The following TMPRSS15 variants were observed in gnomAD, a reference collection of about 807,000 sequenced individuals.
TMPRSS15 encodes the protein transmembrane serine protease 15.
In TMPRSS15, 128 loss-of-function variants were observed where a neutral mutation model predicts 125.3. That is an observed-to-expected ratio of 1.02 (90% confidence interval 0.89 to 1.18). TMPRSS15 has a LOEUF of 1.18. TMPRSS15 is among the 50% of genes most tolerant of loss of function. The probability of loss-of-function intolerance (pLI) is 0.00; values close to 1 mark genes in which losing one functional copy is unlikely to be tolerated. For missense variants in TMPRSS15, 1,283 were observed against 1,212.7 expected (o/e 1.06, Z -0.86); for synonymous variants, 446 against 423.2 (o/e 1.05, Z -0.66).
chr21:18,295,070 A>G (rs1252773135), intron 19 of TMPRSS15, among the ~76,000 whole-genome samples: 2 of 152,232 alleles, frequency 1.3e-5, no homozygotes, highest in Admixed American at 1.3e-4. Context: ...TCTATAACAC[A>G]GAGTATGCCT....
intron 22 of TMPRSS15, among the ~76,000 whole-genome samples, chr21:18,280,413 A>G (rs2074678062): frequency 6.6e-6 from 1 of 151,916 alleles, no homozygotes; most frequent in African/African-American, 2.4e-5. Flanking sequence ...CATCTCTACT[A>G]AAAATACAAG....
At chr21:18,458,058 C>T (rs1300347601) in intron 1 of TMPRSS15, among the ~76,000 whole-genome samples, 1 of 152,086 alleles carries the variant, frequency 6.6e-6, no homozygotes, top group Non-Finnish European at 1.5e-5. Flanking sequence ...GTGCTTGGTG[C>T]TACCATTTCC....
chr21:18,342,577 C>A (rs917532736), intron 12 of TMPRSS15, among the ~76,000 whole-genome samples: 2 of 152,224 alleles, frequency 1.3e-5, no homozygotes, highest in Admixed American at 1.3e-4. Flanking sequence ...ATAGCCACAT[C>A]TGGCCACTGC....
Position 18,398,456 on chromosome 21 carries a change from TC to T in TMPRSS15, c.146-128del, listed in dbSNP as rs2076062368. The T allele has an allele frequency of 3.3e-6, 3 of 917,704 alleles. No homozygotes were observed. In the East Asian group the frequency reaches 7.8e-5, roughly 24 times the overall value. 56.8% of individuals were successfully genotyped at this position (917,704 alleles called of 1,614,324 possible). On this transcript the variant is annotated intron_variant, in intron 1 of 24. Coordinates refer to ENST00000284885, the MANE Select transcript of TMPRSS15 (RefSeq NM_002772.3). ...TGTTAGCTCTGTAGTTCTTGCTTTT[TC>T]TTTGTAGTCTCATGTTTCAAAATCA...
At chr21:18,476,534 T>G (rs544832204) in intron 1 of TMPRSS15, among the ~76,000 whole-genome samples, 1 of 152,276 alleles carries the variant, frequency 6.6e-6, no homozygotes, top group East Asian at 1.9e-4. Flanking sequence ...TGAAACAAAC[T>G]ATTTTATGCT....
intron 24 of TMPRSS15, among the ~76,000 whole-genome samples, chr21:18,273,973 CAT>C (rs2074590638): frequency 6.6e-6 from 1 of 152,118 alleles, no homozygotes; most frequent in African/African-American, 2.4e-5. Context: ...GATAGTATGA[CAT>C]ATATGTGTTA....
chr21:18,275,475 A>C (rs745779963), intron 23 of TMPRSS15, 139 bp from the exon 24 acceptor site: 68 of 1,050,166 alleles, frequency 6.5e-5, no homozygotes, highest in Non-Finnish European at 9.3e-5. Flanking sequence ...ACTAAATACT[A>C]AACCTTGCAC....
chr21:18,280,222 C>T (rs2074675031), intron 22 of TMPRSS15, among the ~76,000 whole-genome samples: 1 of 152,134 alleles, frequency 6.6e-6, no homozygotes, highest in South Asian at 2.1e-4. Flanking sequence ...ATTTTCCAGG[C>T]ATTTGGAGGA....
At chr21:18,435,513 T>G (rs897850125) in intron 1 of TMPRSS15, among the ~76,000 whole-genome samples, 1 of 152,218 alleles carries the variant, frequency 6.6e-6, no homozygotes, top group Admixed American at 6.5e-5. Context: ...CTTTTTGATG[T>G]GCTGCTAGAT....
intron 1 of TMPRSS15, among the ~76,000 whole-genome samples, chr21:18,419,533 C>T (rs1420971043): frequency 6.6e-6 from 1 of 152,060 alleles, no homozygotes; most frequent in Non-Finnish European, 1.5e-5. Flanking sequence ...CCGACATTTC[C>T]TCTTTTTCTA....
chr21:18,311,915 T>C (rs1056038104), intron 18 of TMPRSS15, among the ~76,000 whole-genome samples: 1 of 152,318 alleles, frequency 6.6e-6, no homozygotes, highest in African/African-American at 2.4e-5. Context: ...TATTTACATA[T>C]ACATAGAGTG....
chr21:18,395,805 CA>C (rs780560367), intron 3 of TMPRSS15, among the ~76,000 whole-genome samples: 3 of 151,752 alleles, frequency 2.0e-5, no homozygotes, highest in Non-Finnish European at 4.4e-5. Flanking sequence ...CACAAAAGCA[CA>C]AAAAATATGT....
chr21:18,284,391 T>C (rs2074738200), intron 21 of TMPRSS15, among the ~76,000 whole-genome samples: 1 of 152,220 alleles, frequency 6.6e-6, no homozygotes, highest in Non-Finnish European at 1.5e-5. Flanking sequence ...AGATTTCTAG[T>C]TTCCATTTCC....
At chr21:18,355,462 G>A (rs183145732) in intron 8 of TMPRSS15, among the ~76,000 whole-genome samples, 25 of 151,960 alleles carry the variant, frequency 1.6e-4, no homozygotes, top group African/African-American at 5.1e-4. Context: ...TGTAGAATAT[G>A]TGTCTGTAGA....
In TMPRSS15 at chr21:18,269,620, C is replaced by G. The variant is rs2074529617; in HGVS notation, c.*349G>C. The G allele has an allele frequency of 6.2e-6, 1 of 160,272 alleles. No individual in the cohort carries two copies. Among genetic ancestry groups the G allele is most frequent in the Non-Finnish European group, 1.4e-5 (1 of 73,692 alleles). 9.9% of individuals were successfully genotyped at this position (160,272 alleles called of 1,614,324 possible). A position where few individuals can be genotyped will look rare whatever the true frequency, so the allele number is the denominator to read the frequency against. ...TTTTCTTTCTTTTTTAAATTCTGCT[C>G]AAATTTCTTAAGTGTATGGTATATG... On this transcript the variant is annotated 3_prime_UTR_variant, in exon 25 of 25. Coordinates refer to ENST00000284885, the MANE Select transcript of TMPRSS15 (RefSeq NM_002772.3).
At chr21:18,412,723 CCTGCTG>C (rs1002437186) in intron 1 of TMPRSS15, among the ~76,000 whole-genome samples, 2 of 151,452 alleles carry the variant, frequency 1.3e-5, no homozygotes, top group Non-Finnish European at 2.9e-5. Flanking sequence ...GTCTAGTAAC[CCTGCTG>C]CTGCTGCTGC....
At chr21:18,363,490 T>C (rs1369489172) in intron 7 of TMPRSS15, among the ~76,000 whole-genome samples, 2 of 152,116 alleles carry the variant, frequency 1.3e-5, no homozygotes, top group East Asian at 3.8e-4. Flanking sequence ...GCAATTAAAT[T>C]ATTTTTATTT....
intron 1 of TMPRSS15, among the ~76,000 whole-genome samples, chr21:18,418,981 C>T (rs1419123699): frequency 6.6e-6 from 1 of 152,174 alleles, no homozygotes; most frequent in African/African-American, 2.4e-5. Context: ...ACTAAATCAG[C>T]GTTGAGCCAG....
At chr21:18,308,976 T>C (rs2146928939) in intron 18 of TMPRSS15, among the ~76,000 whole-genome samples, 1 of 152,362 alleles carries the variant, frequency 6.6e-6, no homozygotes, top group Non-Finnish European at 1.5e-5. Flanking sequence ...CTACATTTTC[T>C]TTATCCAGTC....
Sources: allele counts gnomAD v4.1 joint callset (sites outside exome capture counted in the v4.1 genomes callset), GRCh38; gene constraint gnomAD v4.1.1; transcripts MANE v1.5; gene names NCBI Gene and HGNC (gene_info 2026-07-23, HGNC 2026-07-21).